MORN5: variants seen among roughly 807,000 people sequenced by gnomAD.
MORN5 encodes the protein MORN repeat-containing protein 5.
Under a neutral mutation model 22.1 loss-of-function variants are expected in MORN5, and 21 were observed. That is an observed-to-expected ratio of 0.95 (90% CI 0.67 to 1.37). The LOEUF is 1.37. MORN5 is among the 40% of genes most tolerant of loss of function. MORN5 has a pLI of 0.00. For synonymous variants in MORN5, 73 were observed against 74.0 expected, an observed-to-expected ratio of 0.99 and a Z score of 0.07; for missense variants, 211 against 215.1, an observed-to-expected ratio of 0.98 and a Z score of 0.12.
At chr9:122,177,159 C>T (rs1829464580) in intron 4 of MORN5, among the ~76,000 whole-genome samples, 1 of 152,222 alleles carries the variant, frequency 6.6e-6, no homozygotes, top group African/African-American at 2.4e-5. Flanking sequence ...GGGACCCAGA[C>T]CTCTGGCGGG....
chr9:122,180,308 C>T (rs56151724), intron 4 of MORN5, among the ~76,000 whole-genome samples: 15 of 106,122 alleles, frequency 1.4e-4, no homozygotes, highest in African/African-American at 4.1e-4. Context: ...TTTTTTGAGA[C>T]GGAGTCTCAC....
rs1460683242 is a variant in MORN5 at position 122,186,040 on chromosome 9, C to T, written c.439+11413C>T. On this transcript the variant is annotated intron_variant, in intron 4 of 4. Transcript: ENST00000373764. ...TTATCTGCGGTGTTGTTAGCAGCAC[C>T]GTAATGAAGGCTTTGTGGAGGGATA... Among the ~76,000 whole-genome samples the T allele has an allele frequency of 2.0e-5, 3 of 152,284 alleles. No individual in the cohort carries two copies. The South Asian group carries it at 6.2e-4, about 32-fold the overall frequency.
rs1440823538 is a variant in MORN5 at position 122,166,865 on chromosome 9, C to T, written c.145C>T (p.Pro49Ser). 2 of 1,613,794 alleles carry T rather than the reference C, an allele frequency of 1.2e-6. No homozygotes were observed. The highest frequency in any genetic ancestry group is 1.7e-6 in the Non-Finnish European group (2 of 1,179,944). Residue 49 changes from proline (P) to serine (S), a missense_variant, in exon 2 of 5, where the codon CCC (proline) becomes TCC (serine). By Grantham distance (74) the Pro-to-Ser change is moderately conservative (BLOSUM62 -1). Coordinates refer to ENST00000373764, the MANE Select transcript of MORN5 (RefSeq NM_198469.4). ...MFHGEGTLYF[P>S]SGSQYDAIWE... is the part of the protein sequence containing the mutation. Reference sequence around the variant, plus strand: ...TCACGGCGAGGGAACCCTGTACTTCCCCAGCGGAAGCCAATACGACGCCAT... The same window carrying T: ...TCACGGCGAGGGAACCCTGTACTTCTCCAGCGGAAGCCAATACGACGCCAT...
At position 122,197,626 on chromosome 9, in the gene MORN5, G is replaced by C. The variant is rs2118793118; in HGVS notation, c.440-2259G>C. 6.6e-6 allele frequency among the ~76,000 whole-genome samples: 1 copy of C among 152,254 alleles called. No homozygotes were observed. The highest frequency in any genetic ancestry group is 2.4e-5 in the African/African-American group (1 of 41,550). On this transcript the variant is annotated intron_variant, in intron 4 of 4. Coordinates refer to ENST00000373764, the MANE Select transcript of MORN5 (RefSeq NM_198469.4). The surrounding 1 kb of genome is among the most constrained non-coding windows in gnomAD (Gnocchi z 5.7). The stretch of plus-strand genomic sequence containing the variant: ...TAGAGAGTGAAAGGGGTAGTGAAGA[G>C]GGCTGTTAAGTCCATTGCTGTCAAT...
chr9:122,188,530 C>T (rs533741603), intron 4 of MORN5, among the ~76,000 whole-genome samples: 7 of 152,342 alleles, frequency 4.6e-5, no homozygotes, highest in Middle Eastern at 6.8e-3. Context: ...GGGGCCCCTT[C>T]GGTCCATCGT....
At position 122,159,962 on chromosome 9, in the gene MORN5, A is replaced by G. The variant is rs770266833; in HGVS notation, c.-11A>G. ...CCGGATCCTAACAGCTGGAAGCTAA[A>G]AACAGGCGCCATGGAGTACACAGGG... On this transcript the variant is annotated 5_prime_UTR_variant, in exon 1 of 5. Coordinates refer to ENST00000373764, the MANE Select transcript of MORN5 (RefSeq NM_198469.4). 2 of 1,613,958 alleles carry G rather than the reference A, an allele frequency of 1.2e-6. No individual in the cohort carries two copies. Among genetic ancestry groups the G allele is most frequent in the Non-Finnish European group, 1.7e-6 (2 of 1,179,956 alleles).
intron 4 of MORN5, among the ~76,000 whole-genome samples, chr9:122,190,914 G>A (rs1829746926): frequency 6.6e-6 from 1 of 152,276 alleles, no homozygotes; most frequent in Admixed American, 6.5e-5. Flanking sequence ...GGGTGTGGCA[G>A]GGCGGTGAAT....
intron 4 of MORN5, among the ~76,000 whole-genome samples, chr9:122,192,431 A>G (rs1564424017): frequency 6.6e-6 from 1 of 152,292 alleles, no homozygotes; most frequent in East Asian, 1.9e-4. Context: ...CCAGTGCCCA[A>G]GCTCTTAACC....
intron 1 of MORN5, among the ~76,000 whole-genome samples, chr9:122,163,968 C>T (rs979756569): frequency 3.3e-5 from 5 of 152,060 alleles, no homozygotes; most frequent in Non-Finnish European, 7.4e-5. Flanking sequence ...ACAGCAATGT[C>T]CACCCCACCG....
At chr9:122,173,527 G>A (rs1829396787) in intron 3 of MORN5, among the ~76,000 whole-genome samples, 2 of 152,214 alleles carry the variant, frequency 1.3e-5, no homozygotes, top group Non-Finnish European at 2.9e-5. Flanking sequence ...ACACTGAGTT[G>A]TGGGCATGGT....
At chr9:122,164,685 G>T in intron 1 of MORN5, 2 of 958,254 alleles carry the variant, frequency 2.1e-6, no homozygotes, top group Non-Finnish European at 2.5e-6. Flanking sequence ...AGAGAAGGGT[G>T]TAGAACTTGA....
chr9:122,179,788 T>C (rs1829508105), intron 4 of MORN5, among the ~76,000 whole-genome samples: 1 of 152,234 alleles, frequency 6.6e-6, no homozygotes, highest in African/African-American at 2.4e-5. Flanking sequence ...GAGGGACTGA[T>C]TCAGGCTTCT....
intron 3 of MORN5, among the ~76,000 whole-genome samples, chr9:122,171,972 T>C (rs1829372212): frequency 1.9e-5 from 2 of 107,318 alleles, no homozygotes; most frequent in African/African-American, 6.6e-5. Context: ...TTTTTTTTTT[T>C]GAGACAGAGT....
Position 122,197,769 on chromosome 9 carries a change from T to C in MORN5, c.440-2116T>C, listed in dbSNP as rs1379379305. On this transcript the variant is annotated intron_variant, in intron 4 of 4. Transcript: ENST00000373764. The surrounding 1 kb of genome is among the most constrained non-coding windows in gnomAD (Gnocchi z 5.7). ...GCACTGATTCGAATAGCCTGGAGAC[T>C]TCAGAACTGTAATTATCAACCAGGC... Among the ~76,000 whole-genome samples, 2 of 152,202 alleles carry C rather than the reference T, an allele frequency of 1.3e-5. No homozygotes were observed. Among genetic ancestry groups the C allele is most frequent in the Non-Finnish European group, 1.5e-5 (1 of 68,036 alleles).
intron 1 of MORN5, among the ~76,000 whole-genome samples, chr9:122,161,794 C>A (rs1829204204): frequency 6.6e-6 from 1 of 152,140 alleles, no homozygotes; most frequent in African/African-American, 2.4e-5. Context: ...TTGCCTTTGG[C>A]CTTCTGTGTA....
intron 2 of MORN5, among the ~76,000 whole-genome samples, chr9:122,168,781 C>A (rs1472561377): frequency 6.6e-6 from 1 of 152,022 alleles, no homozygotes; most frequent in Non-Finnish European, 1.5e-5. Context: ...GTGTGTCAGT[C>A]AGGGTTCTTC....
chr9:122,180,985 G>C (rs1244040669), intron 4 of MORN5, among the ~76,000 whole-genome samples: 1 of 152,206 alleles, frequency 6.6e-6, no homozygotes, highest in Non-Finnish European at 1.5e-5. Context: ...CCTGCTCCTA[G>C]GTCCCTCGTA....
chr9:122,170,733 C>G lies in MORN5; in HGVS notation c.307+977C>G, dbSNP rs551394087. ...TATCATGCTACCTCCCTGCAAAAAC[C>G]GTGTCTCATCATGGAGGGCTACATT... On this transcript the variant is annotated intron_variant, in intron 3 of 4. Transcript: ENST00000373764. Among the ~76,000 whole-genome samples the G allele has an allele frequency of 3.9e-5, 6 of 152,296 alleles. 2 individuals carry two copies. Among genetic ancestry groups the G allele is most frequent in the African/African-American group, 1.4e-4 (6 of 41,558 alleles).
At chr9:122,176,064 G>A (rs1588305687) in intron 4 of MORN5, among the ~76,000 whole-genome samples, 2 of 149,270 alleles carry the variant, frequency 1.3e-5, no homozygotes, top group South Asian at 2.1e-4. Context: ...CTTGCAGTGA[G>A]CCGAGATCGC....
Sources: gnomAD v4.1 joint callset for allele counts (sites outside exome capture counted in the v4.1 genomes callset) on GRCh38, gnomAD v4.1.1 for gene constraint, Gnocchi (gnomAD v3.1) non-coding constraint, MANE v1.5 for transcripts, NCBI Gene and HGNC (gene_info 2026-07-23, HGNC 2026-07-21) for gene names.